The following CABP7 variants were observed in gnomAD, a reference collection of about 807,000 sequenced individuals.
The protein encoded by CABP7 is calcium-binding protein 7.
Under a neutral mutation model 23.1 loss-of-function variants are expected in CABP7, and 13 were observed. That is an observed-to-expected ratio of 0.56 (90% confidence interval 0.37 to 0.90). The LOEUF (loss-of-function observed/expected upper bound fraction) is 0.90. Ranked by LOEUF, CABP7 falls within the 40% of genes least tolerant of loss-of-function variation. The pLI is 0.01. For synonymous variants in CABP7, 123 were observed against 115.3 expected, an observed-to-expected ratio of 1.07 and a Z score of -0.43; for missense variants, 248 against 295.6, an observed-to-expected ratio of 0.84 and a Z score of 1.18.
intron 1 of CABP7, among the ~76,000 whole-genome samples, chr22:29,722,893 G>A (rs996652621): frequency 4.6e-5 from 7 of 152,258 alleles, no homozygotes; most frequent in Admixed American, 1.3e-4. Flanking sequence ...CAGTCTGAGC[G>A]GAAAGGAGGA....
chr22:29,727,655 T>A lies in CABP7; in HGVS notation c.110-7T>A. On this transcript the variant is annotated splice_region_variant and splice_polypyrimidine_tract_variant and intron_variant, in intron 1 of 4. Transcript: ENST00000216144. The surrounding 1 kb of genome is among the most constrained non-coding windows in gnomAD (Gnocchi z 4.2). ...TGAAGTCCCAGCCTACTCCATTCTC[T>A]CCTCAGAGATCCGAGAGGCCTTCAA... 2 of 1,613,572 alleles carry A rather than the reference T, an allele frequency of 1.2e-6. No homozygotes were observed.
Position 29,727,021 on chromosome 22 carries a change from G to C in CABP7, c.110-641G>C, listed in dbSNP as rs6006229. Among the ~76,000 whole-genome samples the C allele has an allele frequency of 2.3e-4, 35 of 152,044 alleles. No individual in the cohort carries two copies. Among genetic ancestry groups the C allele is most frequent in the Non-Finnish European group, 4.3e-4 (29 of 68,008 alleles). Reference sequence around the variant, plus strand: ...ACCACCTGAGTCACCGAGGTCATCAGGCCTCGGTCTTCTGCTCCGTACAGT... The same window carrying C: ...ACCACCTGAGTCACCGAGGTCATCACGCCTCGGTCTTCTGCTCCGTACAGT... On this transcript the variant is annotated intron_variant, in intron 1 of 4. Transcript: ENST00000216144. The surrounding 1 kb of genome is among the most constrained non-coding windows in gnomAD (Gnocchi z 4.2).
rs1248058503 is a variant in CABP7, at chr22:29,720,740, G to T, written c.109+207G>T. Among the ~76,000 whole-genome samples the T allele has an allele frequency of 6.6e-6, 1 of 151,462 alleles. No homozygotes were observed. Among genetic ancestry groups the T allele is most frequent in the African/African-American group, 2.4e-5 (1 of 41,344 alleles). ...GTGGGGGTCGCTCAGGCGGAGAGCG[G>T]CCCAGCCCCTGCCCGCGTGGTCCCC... On this transcript the variant is annotated intron_variant, in intron 1 of 4. Coordinates refer to ENST00000216144, the MANE Select transcript of CABP7 (RefSeq NM_182527.3). This position sits in a 1 kb window ranked among gnomAD's most constrained non-coding sequence, Gnocchi z 5.2.
At chr22:29,722,069 C>T (rs1040155891) in intron 1 of CABP7, among the ~76,000 whole-genome samples, 20 of 152,154 alleles carry the variant, frequency 1.3e-4, no homozygotes, top group African/African-American at 4.3e-4. Flanking sequence ...CAGAGGCCCT[C>T]ATCCATCCCC....
chr22:29,731,296 C>T lies in CABP7; in HGVS notation c.*1727C>T. 1 of 1,528,296 alleles carries T rather than the reference C, an allele frequency of 6.5e-7. No individual in the cohort carries two copies. The highest frequency in any genetic ancestry group is 8.7e-7 in the Non-Finnish European group (1 of 1,149,794). The allele number at this position is 1,528,296 out of a possible 1,614,324, so 94.7% of individuals were successfully genotyped here. On this transcript the variant is annotated 3_prime_UTR_variant, in exon 5 of 5. Coordinates refer to ENST00000216144, the MANE Select transcript of CABP7 (RefSeq NM_182527.3). ...GGTGCCCGCAGGGATGGAGGCAGCT[C>T]CTGAACTGGTGGCCAGCCCACGGGG...
chr22:29,726,804 C>G (rs1889322039), intron 1 of CABP7, among the ~76,000 whole-genome samples: 1 of 152,146 alleles, frequency 6.6e-6, no homozygotes, highest in Non-Finnish European at 1.5e-5. Flanking sequence ...GATTAAGGGA[C>G]AGCAGCCCTT....
intron 1 of CABP7, among the ~76,000 whole-genome samples, chr22:29,725,127 T>C (rs1283622957): frequency 6.6e-6 from 1 of 152,042 alleles, no homozygotes; most frequent in African/African-American, 2.4e-5. Flanking sequence ...CTGACCCTGG[T>C]CCTCCTTCCC....
chr22:29,729,256 C>T (rs1208580122), intron 4 of CABP7, 48 bp downstream of exon 4: 1 of 1,579,434 alleles, frequency 6.3e-7, no homozygotes, highest in South Asian at 1.1e-5. Context: ...GTGACTTGGC[C>T]AGGGGGACGC....
Position 29,720,346 on chromosome 22 carries a change from G to C in CABP7, c.-79G>C. ...GCAGCCGCGCGCCCCGCCCGCTCCA[G>C]CCGCCCCCGGGGCCGCCACCGGCCC... is the stretch of plus-strand genomic sequence containing the variant. On this transcript the variant is annotated 5_prime_UTR_variant, in exon 1 of 5. Transcript: ENST00000216144. This position sits in a 1 kb window ranked among gnomAD's most constrained non-coding sequence, Gnocchi z 5.2. 1 of 760,584 alleles carries C rather than the reference G, an allele frequency of 1.3e-6. No individual in the cohort carries two copies. 47.1% of individuals were successfully genotyped at this position (760,584 alleles called of 1,614,324 possible). A position where few individuals can be genotyped will look rare whatever the true frequency, so the allele number is the denominator to read the frequency against.
At chr22:29,728,203 C>A (rs947788718) in intron 2 of CABP7, among the ~76,000 whole-genome samples, 1 of 152,254 alleles carries the variant, frequency 6.6e-6, no homozygotes, top group African/African-American at 2.4e-5. Context: ...CAAGCCCCCT[C>A]TTTATCCCAC....
intron 1 of CABP7, among the ~76,000 whole-genome samples, chr22:29,724,416 G>T (rs2067781582): frequency 6.6e-6 from 1 of 152,230 alleles, no homozygotes; most frequent in African/African-American, 2.4e-5. Context: ...CTGATTTATA[G>T]CATCCATCTC....
chr22:29,724,877 G>A (rs1325203354), intron 1 of CABP7, among the ~76,000 whole-genome samples: 2 of 152,130 alleles, frequency 1.3e-5, no homozygotes, highest in African/African-American at 2.4e-5. Flanking sequence ...GGCTCCCCTC[G>A]GCCCAGTGCG....
Position 29,729,796 on chromosome 22 carries a change from C to T in CABP7, c.*227C>T, listed in dbSNP as rs1009056063. 15 of 590,230 alleles carry T rather than the reference C, an allele frequency of 2.5e-5. No homozygotes were observed. Among genetic ancestry groups the T allele is most frequent in the Admixed American group, 9.3e-5 (3 of 32,250 alleles). 36.6% of individuals were successfully genotyped at this position (590,230 alleles called of 1,614,324 possible). A position where few individuals can be genotyped will look rare whatever the true frequency, so the allele number is the denominator to read the frequency against. On this transcript the variant is annotated 3_prime_UTR_variant, in exon 5 of 5. Coordinates refer to ENST00000216144, the MANE Select transcript of CABP7 (RefSeq NM_182527.3). ...CTCTGAGGATGGTCCCCAGCCCCACCCTGTCCCCACCCTGGCCTGTAAGGA... is the reference window on the plus strand; with the variant it reads ...CTCTGAGGATGGTCCCCAGCCCCACTCTGTCCCCACCCTGGCCTGTAAGGA...
At chr22:29,726,643 A>G (rs1426548609) in intron 1 of CABP7, among the ~76,000 whole-genome samples, 1 of 152,226 alleles carries the variant, frequency 6.6e-6, no homozygotes, top group Non-Finnish European at 1.5e-5. Context: ...CTGCCTGCTG[A>G]AAGCTAAAAG....
At position 29,728,993 on chromosome 22, in the gene CABP7, CGTGGG is replaced by C. The variant is rs2067816304; in HGVS notation, c.367-58_367-54del. The C allele has an allele frequency of 3.2e-6, 5 of 1,581,430 alleles. No homozygotes were observed. In the African/African-American group the frequency reaches 6.7e-5, roughly 21 times the overall value. On this transcript the variant is annotated intron_variant, in intron 3 of 4. Coordinates refer to ENST00000216144, the MANE Select transcript of CABP7 (RefSeq NM_182527.3). ...AGGCCTGTCACCGGGTCTGTATGGCCGTGGGGTGCTGGGTGGGGGCTGCGGTGGCT... is the reference window on the plus strand; with the variant it reads ...AGGCCTGTCACCGGGTCTGTATGGCCGTGCTGGGTGGGGGCTGCGGTGGCT...
At chr22:29,728,955 C>T in intron 3 of CABP7, 100 bp from the exon 4 acceptor site, 2 of 1,454,210 alleles carry the variant, frequency 1.4e-6, no homozygotes, top group Non-Finnish European at 1.9e-6. Flanking sequence ...TTTTCCAGCC[C>T]CCCAGAATCT....
Position 29,727,215 on chromosome 22 carries a change from A to T in CABP7, c.110-447A>T, listed in dbSNP as rs1005199266. Among the ~76,000 whole-genome samples the T allele has an allele frequency of 6.7e-6, 1 of 148,828 alleles. No homozygotes were observed. The highest frequency in any genetic ancestry group is 2.5e-5 in the African/African-American group (1 of 40,276). ...TAGCAAGTGTTGGCCGGTGTTAAGGATCTAAGGATCCGAGCCTGGGGGAGG... is the reference window on the plus strand; with the variant it reads ...TAGCAAGTGTTGGCCGGTGTTAAGGTTCTAAGGATCCGAGCCTGGGGGAGG... On this transcript the variant is annotated intron_variant, in intron 1 of 4. Coordinates refer to ENST00000216144, the MANE Select transcript of CABP7 (RefSeq NM_182527.3). This position sits in a 1 kb window ranked among gnomAD's most constrained non-coding sequence, Gnocchi z 4.2.
chr22:29,724,096 G>A (rs988389825), intron 1 of CABP7, among the ~76,000 whole-genome samples: 1 of 152,236 alleles, frequency 6.6e-6, no homozygotes, highest in African/African-American at 2.4e-5. Context: ...AGGCTTTCGG[G>A]GAAATGCACC....
chr22:29,721,009 G>A (rs2067757922), intron 1 of CABP7, among the ~76,000 whole-genome samples: 1 of 152,124 alleles, frequency 6.6e-6, no homozygotes, highest in East Asian at 1.9e-4. Context: ...AAGGGGAGAG[G>A]GCGACTGCCC....
Sources: gnomAD v4.1 joint callset for allele counts (sites outside exome capture counted in the v4.1 genomes callset) on GRCh38, gnomAD v4.1.1 for gene constraint, Gnocchi (gnomAD v3.1) non-coding constraint, MANE v1.5 for transcripts, NCBI Gene and HGNC (gene_info 2026-07-23, HGNC 2026-07-21) for gene names.